Variants in ARHGEF17 observed in about 807,000 individuals in gnomAD.
The protein encoded by ARHGEF17 is Rho guanine nucleotide exchange factor 17.
In ARHGEF17, 80 loss-of-function variants were observed where a neutral mutation model predicts 174.0. That is an observed-to-expected ratio of 0.46 (90% CI 0.38 to 0.55). ARHGEF17 has a LOEUF of 0.55. Among genes scored for constraint, ARHGEF17 ranks in the 20% least tolerant of loss-of-function variants. The pLI, the probability that ARHGEF17 is intolerant of heterozygous loss-of-function variation, is 0.00. For synonymous variants in ARHGEF17, 1,311 were observed against 1,189.1 expected (o/e 1.10, Z -2.11); for missense variants, 2,886 against 2,839.7 (o/e 1.02, Z -0.37).
chr11:73,358,340 C>A (rs764923326), intron 9 of ARHGEF17, among the ~76,000 whole-genome samples: 20 of 152,130 alleles, frequency 1.3e-4, no homozygotes, highest in Non-Finnish European at 2.9e-5. Flanking sequence ...ACAGAGGGTG[C>A]CTTCTATGTG....
In ARHGEF17 at chr11:73,362,238, C is replaced by T. The variant is rs763229855; in HGVS notation, c.4693C>T (p.Arg1565Trp). The change falls in exon 13 of 21, where the codon CGG becomes TGG. Residue 1565 changes from arginine to tryptophan, a missense_variant and splice_region_variant. Coordinates refer to ENST00000263674, the MANE Select transcript of ARHGEF17 (RefSeq NM_014786.4). ...GCCCGGGCTGCAGCCTCGCTGCCAC[C>T]GGTGAGGCCTGGGCGGCGGGGTGGG... is the stretch of plus-strand genomic sequence containing the variant. ...AVPGLQPRCH[R>W]EPPPSLRSPP... 6.5e-7 allele frequency: 1 copy of T among 1,533,710 alleles called. No homozygotes were observed. Among genetic ancestry groups the T allele is most frequent in the Non-Finnish European group, 8.7e-7 (1 of 1,144,738 alleles).
At position 73,369,366 on chromosome 11, in the gene ARHGEF17, A is replaced by G. The variant is rs1225129447; in HGVS notation, c.*1586A>G. On this transcript the variant is annotated 3_prime_UTR_variant, in exon 21 of 21. Transcript: ENST00000263674. ...GCAGATGACATGTAAATGCAGAAAC[A>G]TGATTCGTAACTTATTTACGTATTA... The G allele has an allele frequency of 1.3e-5, 2 of 152,262 alleles. No homozygotes were observed. Among genetic ancestry groups the G allele is most frequent in the East Asian group, 3.9e-4 (2 of 5,190 alleles). The allele number at this position is 152,262 out of a possible 1,614,324, so 9.4% of individuals were successfully genotyped here.
chr11:73,353,060 G>A (rs753615838), intron 3 of ARHGEF17, 48 bp downstream of exon 3: 7 of 1,606,408 alleles, frequency 4.4e-6, no homozygotes, highest in Non-Finnish European at 5.1e-6. Context: ...GGCCCTCCTG[G>A]AAGGGGCTGG....
chr11:73,318,100 G>A (rs918216074), intron 1 of ARHGEF17, among the ~76,000 whole-genome samples: 2 of 152,134 alleles, frequency 1.3e-5, no homozygotes, highest in Non-Finnish European at 2.9e-5. Context: ...GGAGGATCTC[G>A]GTTGCAGAAT....
intron 1 of ARHGEF17, among the ~76,000 whole-genome samples, chr11:73,323,932 G>A (rs891621131): frequency 6.6e-6 from 1 of 152,196 alleles, no homozygotes; most frequent in Non-Finnish European, 1.5e-5. Context: ...GAGGCTCCCT[G>A]CTTTCTTCTC....
Position 73,368,943 on chromosome 11 carries a change from T to C in ARHGEF17, c.*1163T>C, listed in dbSNP as rs1173827664. On this transcript the variant is annotated 3_prime_UTR_variant, in exon 21 of 21. Coordinates refer to ENST00000263674, the MANE Select transcript of ARHGEF17 (RefSeq NM_014786.4). ...AGGTTTGGTTTCAGATGGGGTTTGT[T>C]TTGTTCTGTTTGGTTTTGGTTTTGT... 1 of 152,400 alleles carries C rather than the reference T, an allele frequency of 6.6e-6. No homozygotes were observed. The highest frequency in any genetic ancestry group is 2.4e-5 in the African/African-American group (1 of 41,444). 9.4% of individuals were successfully genotyped at this position (152,400 alleles called of 1,614,324 possible). A position where few individuals can be genotyped will look rare whatever the true frequency, so the allele number is the denominator to read the frequency against.
rs778350676 is a variant in ARHGEF17, at chr11:73,347,084, C to G, written c.3270+124C>G. On this transcript the variant is annotated intron_variant, in intron 2 of 20. Coordinates refer to ENST00000263674, the MANE Select transcript of ARHGEF17 (RefSeq NM_014786.4). ...GCCAGAGAGCCGTGTCCCTGGCATC[C>G]GTCGCCTTTCCATGAAGAACCCCCA... 1.0e-5 allele frequency: 10 copies of G among 963,868 alleles called. No homozygotes were observed. In the African/African-American group the frequency reaches 1.6e-4, roughly 16 times the overall value. The allele number at this position is 963,868 out of a possible 1,614,324, so 59.7% of individuals were successfully genotyped here.
At chr11:73,352,800 G>A (rs1865576444) in intron 2 of ARHGEF17, 30 bp from the exon 3 acceptor site, 1 of 1,610,518 alleles carries the variant, frequency 6.2e-7, no homozygotes, top group Non-Finnish European at 8.5e-7. Flanking sequence ...ATCTCTGAGG[G>A]AGTGTGCACC....
rs1565193607 is a variant in ARHGEF17 at position 73,329,350 on chromosome 11, TATATATA to T, written c.3192+17521_3193-17526del. Reference sequence around the variant, plus strand: ...ATATATATATATATATATATATATATATATATATATATATATATATATATTTTTTTTT... The same window carrying T: ...ATATATATATATATATATATATATATTATATATATATATATATTTTTTTTT... On this transcript the variant is annotated intron_variant, in intron 1 of 20. Coordinates refer to ENST00000263674, the MANE Select transcript of ARHGEF17 (RefSeq NM_014786.4). 5.2e-4 allele frequency among the ~76,000 whole-genome samples: 22 copies of T among 42,336 alleles called. 1 individual carries two copies. The highest frequency in any genetic ancestry group is 4.4e-3 in the African/African-American group (22 of 4,998). The allele number at this position is 42,336 out of a possible 152,430, so 27.8% of individuals were successfully genotyped here.
chr11:73,332,350 C>CGT (rs58725771), intron 1 of ARHGEF17, among the ~76,000 whole-genome samples: 3,325 of 120,622 alleles, frequency 0.028, 78 homozygotes, highest in South Asian at 0.047. Context: ...GCTTTTTCTC[C>CGT]GTGTGTGTGT....
chr11:73,311,344 C>T lies in ARHGEF17; in HGVS notation c.2706C>T (p.Asn902=). ...ALPPPATAHR[N]FHLDPKLADI... is the part of the protein sequence containing the mutation. ...CTCCCCCTGCCACTGCCCACCGAAA[C>T]TTTCACCTTGACCCCAAGCTGGCTG... Residue 902 remains asparagine (N), a synonymous_variant, in exon 1 of 21, where the codon AAC becomes AAT. Coordinates refer to ENST00000263674, the MANE Select transcript of ARHGEF17 (RefSeq NM_014786.4). 6.2e-7 allele frequency: 1 copy of T among 1,613,396 alleles called. No individual in the cohort carries two copies. Among genetic ancestry groups the T allele is most frequent in the Non-Finnish European group, 8.5e-7 (1 of 1,180,038 alleles).
chr11:73,309,615 G>C lies in ARHGEF17; in HGVS notation c.977G>C (p.Ser326Thr). ...ATGAACTCAGCAGGGGTTTCTGGGA[G>C]CCCTGAGCCCCCAACATCTCCAAGA... ...SSMNSAGVSG[S>T]PEPPTSPRAP... Residue 326 changes from serine (S) to threonine (T), a missense_variant, in exon 1 of 21, where the codon AGC becomes ACC. Around this residue, in one of 4 missense-constraint regions of ARHGEF17, gnomAD observed 1,728 missense variants for 1,461.2 expected, o/e 1.18. Transcript: ENST00000263674. 1.2e-6 allele frequency: 2 copies of C among 1,613,078 alleles called. No individual in the cohort carries two copies. Among genetic ancestry groups the C allele is most frequent in the South Asian group, 1.1e-5 (1 of 91,086 alleles).
At chr11:73,348,691 T>G (rs567326116) in intron 2 of ARHGEF17, among the ~76,000 whole-genome samples, 1 of 152,136 alleles carries the variant, frequency 6.6e-6, no homozygotes, top group African/African-American at 2.4e-5. Flanking sequence ...AAAAAGAGTT[T>G]TAGAGCTGGA....
At chr11:73,363,607 C>A in intron 15 of ARHGEF17, 140 bp from the exon 16 acceptor site, 1 of 1,497,522 alleles carries the variant, frequency 6.7e-7, no homozygotes, top group Non-Finnish European at 9.1e-7. Flanking sequence ...CTGACAATCC[C>A]AGGGAGGCTG....
chr11:73,363,500 G>A (rs1865784235), intron 15 of ARHGEF17, 45 bp downstream of exon 15: 2 of 1,576,662 alleles, frequency 1.3e-6, no homozygotes, highest in East Asian at 2.3e-5. Context: ...AGAACTCTGA[G>A]CTCCCTGCTC....
Position 73,311,713 on chromosome 11 carries a change from G to A in ARHGEF17, c.3075G>A (p.Val1025=). ...GTGAGGTCCCTGCCCCAGTGCCAGT[G>A]GACATGCCCTGCTTGCCTCTGGCTG... ...HSGEVPAPVP[V]DMPCLPLAAP... Residue 1025 remains valine, a synonymous_variant, in exon 1 of 21, where the codon GTG becomes GTA. Coordinates refer to ENST00000263674, the MANE Select transcript of ARHGEF17 (RefSeq NM_014786.4). 6.2e-7 allele frequency: 1 copy of A among 1,613,324 alleles called. No individual in the cohort carries two copies. Among genetic ancestry groups the A allele is most frequent in the Non-Finnish European group, 8.5e-7 (1 of 1,180,032 alleles).
chr11:73,342,001 G>C (rs1395270272), intron 1 of ARHGEF17, among the ~76,000 whole-genome samples: 1 of 152,168 alleles, frequency 6.6e-6, no homozygotes, highest in Admixed American at 6.5e-5. Flanking sequence ...CCTCAGTCCA[G>C]ATTGAGTCTA....
intron 4 of ARHGEF17, 89 bp from the exon 5 acceptor site, chr11:73,355,772 T>G (rs1230665243): frequency 1.1e-5 from 18 of 1,577,174 alleles, no homozygotes; most frequent in East Asian, 4.5e-5. Flanking sequence ...GCTCTCAGGC[T>G]GAGCTGGAGA....
Position 73,364,427 on chromosome 11 carries a change from T to A in ARHGEF17, c.5402-25T>A, listed in dbSNP as rs759936467. ...CTCAAATTTAGAACTGGAGTGAATT[T>A]CCTGTTTTCTTTACCCCACTCCAGG... is the stretch of plus-strand genomic sequence containing the variant. On this transcript the variant is annotated intron_variant, in intron 17 of 20. Transcript: ENST00000263674. The A allele has an allele frequency of 3.7e-6, 6 of 1,612,994 alleles. No homozygotes were observed. The Middle Eastern group carries it at 8.3e-4, about 222-fold the overall frequency.
Sources: gnomAD v4.1 joint callset for allele counts (sites outside exome capture counted in the v4.1 genomes callset) on GRCh38, gnomAD v4.1.1 for gene constraint, gnomAD v4.1.1 regional missense constraint, MANE v1.5 for transcripts, NCBI Gene and HGNC (gene_info 2026-07-23, HGNC 2026-07-21) for gene names.